The following FKTN variants were observed in gnomAD, a reference collection of about 807,000 sequenced individuals.
The protein encoded by FKTN is ribitol-5-phosphate transferase FKTN.
Under a neutral mutation model 58.6 loss-of-function variants are expected in FKTN, and 47 were observed. The observed-to-expected ratio is 0.80, with a 90% CI of 0.63 to 1.02. The LOEUF is 1.02. Ranked by LOEUF, FKTN falls within the 50% of genes least tolerant of loss-of-function variation. The pLI is 0.00. For synonymous variants in FKTN, 178 were observed against 191.9 expected, an observed-to-expected ratio of 0.93 and a Z score of 0.60; for missense variants, 516 against 537.3, an observed-to-expected ratio of 0.96 and a Z score of 0.39.
chr9:105,619,058 T>TAAAA (rs80255150), intron 9 of FKTN, among the ~76,000 whole-genome samples: 2 of 136,680 alleles, frequency 1.5e-5, no homozygotes, highest in Non-Finnish European at 3.2e-5. Context: ...GACTCCGTCT[T>TAAAA]AAAAAAAAAA....
chr9:105,638,945 C>G lies in FKTN; in HGVS notation c.*3681C>G. ...TATACATTGGGTACCAGAGCTAAAT[C>G]TGGAAAACACATTTGGAATGAGCTT... On this transcript the variant is annotated 3_prime_UTR_variant, in exon 11 of 11. Coordinates refer to ENST00000357998, the MANE Select transcript of FKTN (RefSeq NM_001079802.2). The G allele has an allele frequency of 1.0e-6, 1 of 985,252 alleles. No individual in the cohort carries two copies. Among genetic ancestry groups the G allele is most frequent in the Non-Finnish European group, 1.2e-6 (1 of 829,846 alleles). The allele number at this position is 985,252 out of a possible 1,614,324, so 61.0% of individuals were successfully genotyped here.
At position 105,596,745 on chromosome 9, in the gene FKTN, T is replaced by C. The variant is rs1826878251; in HGVS notation, c.165+88T>C. 13 of 984,836 alleles carry C rather than the reference T, an allele frequency of 1.3e-5. No individual in the cohort carries two copies. The East Asian group carries it at 3.1e-4, about 24-fold the overall frequency. The allele number at this position is 984,836 out of a possible 1,614,324, so 61.0% of individuals were successfully genotyped here. A position where few individuals can be genotyped will look rare whatever the true frequency, so the allele number is the denominator to read the frequency against. ...GTAAGTATTTGTTGAATGATGGCAA[T>C]AATAATAGCTACCTTGTGTGGTGGG... On this transcript the variant is annotated intron_variant, in intron 4 of 10. Coordinates refer to ENST00000357998, the MANE Select transcript of FKTN (RefSeq NM_001079802.2).
intron 10 of FKTN, among the ~76,000 whole-genome samples, chr9:105,633,650 C>T (rs914124392): frequency 1.3e-5 from 2 of 152,152 alleles, no homozygotes; most frequent in African/African-American, 4.8e-5. Context: ...TTTCCGTGGC[C>T]ACCTTTTCAC....
chr9:105,594,177 A>T (rs1036451629), intron 3 of FKTN, among the ~76,000 whole-genome samples: 1 of 152,178 alleles, frequency 6.6e-6, no homozygotes, highest in Non-Finnish European at 1.5e-5. Flanking sequence ...CTTAGATAGG[A>T]ACATAGACAA....
chr9:105,578,304 GT>G (rs1842151943), intron 3 of FKTN, among the ~76,000 whole-genome samples: 1 of 148,226 alleles, frequency 6.7e-6, no homozygotes, highest in Non-Finnish European at 1.5e-5. Flanking sequence ...TTGGCTGTGG[GT>G]TTGTCATAGA....
chr9:105,578,137 T>A (rs1401161638), intron 3 of FKTN, among the ~76,000 whole-genome samples: 1 of 151,190 alleles, frequency 6.6e-6, no homozygotes, highest in East Asian at 1.9e-4. Flanking sequence ...TGACTTCCTC[T>A]TTTCCTAATT....
chr9:105,628,230 G>A lies in FKTN; in HGVS notation c.1173-6821G>A, dbSNP rs186721840. ...CATTGACTTTTCTATGAATGATCTC[G>A]TATTTTCTGCTCTGTTTATGCGTTT... On this transcript the variant is annotated intron_variant, in intron 10 of 10. Transcript: ENST00000357998. 5.3e-5 allele frequency among the ~76,000 whole-genome samples: 8 copies of A among 152,066 alleles called. No individual in the cohort carries two copies. The East Asian group carries it at 1.2e-3, about 22-fold the overall frequency.
chr9:105,561,541 T>C (rs938851500), intron 1 of FKTN, among the ~76,000 whole-genome samples: 1 of 152,208 alleles, frequency 6.6e-6, no homozygotes, highest in African/African-American at 2.4e-5. Context: ...ACCTGTCTTA[T>C]CTATATCTTT....
At chr9:105,559,944 G>A (rs1186896919) in intron 1 of FKTN, among the ~76,000 whole-genome samples, 1 of 152,076 alleles carries the variant, frequency 6.6e-6, no homozygotes, top group Non-Finnish European at 1.5e-5. Flanking sequence ...GAGCAAGGAA[G>A]GAGTTCTTTT....
At chr9:105,587,246 G>A (rs1844078510) in intron 3 of FKTN, among the ~76,000 whole-genome samples, 1 of 152,108 alleles carries the variant, frequency 6.6e-6, no homozygotes, top group Non-Finnish European at 1.5e-5. Flanking sequence ...ATAGAATTGG[G>A]TGCTGAGATA....
At chr9:105,582,384 C>T (rs561576387) in intron 3 of FKTN, among the ~76,000 whole-genome samples, 60 of 152,236 alleles carry the variant, frequency 3.9e-4, no homozygotes, top group Middle Eastern at 3.4e-3. Flanking sequence ...TTTGTAGAGA[C>T]GGGGTCTCGC....
chr9:105,600,764 A>G (rs1315383921), intron 4 of FKTN, among the ~76,000 whole-genome samples: 1 of 152,178 alleles, frequency 6.6e-6, no homozygotes, highest in African/African-American at 2.4e-5. Context: ...GCTTGAAAAG[A>G]TTTAGCTAAT....
intron 1 of FKTN, among the ~76,000 whole-genome samples, chr9:105,563,603 G>A (rs999551055): frequency 8.5e-5 from 13 of 152,110 alleles, no homozygotes; most frequent in South Asian, 2.1e-4. Flanking sequence ...GAGGCTGGGG[G>A]GGGGGGCACC....
intron 3 of FKTN, among the ~76,000 whole-genome samples, chr9:105,584,151 A>G (rs903248856): frequency 6.6e-5 from 10 of 152,222 alleles, no homozygotes; most frequent in African/African-American, 2.4e-4. Flanking sequence ...AGGCAATAAC[A>G]GTACCACCTC....
At chr9:105,629,751 T>C in intron 10 of FKTN, among the ~76,000 whole-genome samples, 1 of 152,234 alleles carries the variant, frequency 6.6e-6, no homozygotes, top group East Asian at 1.9e-4. Flanking sequence ...CACATATGTT[T>C]ATTGTGGCAC....
intron 3 of FKTN, among the ~76,000 whole-genome samples, chr9:105,583,412 A>G (rs1050330902): frequency 6.6e-6 from 1 of 152,184 alleles, no homozygotes; most frequent in African/African-American, 2.4e-5. Context: ...TAGTGTTCGT[A>G]ATATTCAGAA....
chr9:105,625,690 T>A (rs1832660303), intron 10 of FKTN, among the ~76,000 whole-genome samples: 1 of 152,164 alleles, frequency 6.6e-6, no homozygotes, highest in Non-Finnish European at 1.5e-5. Flanking sequence ...ACATATAAGT[T>A]TATAATCTTA....
rs1288920101 is a variant in FKTN, at chr9:105,571,195, A to G, written c.-180-2460A>G. 6.6e-5 allele frequency among the ~76,000 whole-genome samples: 10 copies of G among 152,172 alleles called. No homozygotes were observed. In the South Asian group the frequency reaches 8.3e-4, roughly 13 times the overall value. On this transcript the variant is annotated intron_variant, in intron 1 of 10. Transcript: ENST00000357998. The stretch of plus-strand genomic sequence containing the variant: ...GAAAGTGGAGACAGGGACATCAGTT[A>G]AAATTAGGACATTAGGTACAATTAG...
chr9:105,618,585 T>G (rs1238363880), intron 9 of FKTN, among the ~76,000 whole-genome samples: 1 of 152,148 alleles, frequency 6.6e-6, no homozygotes, highest in Non-Finnish European at 1.5e-5. Context: ...TACTTCAATT[T>G]CTTGTTTATC....
Sources: allele counts gnomAD v4.1 joint callset (sites outside exome capture counted in the v4.1 genomes callset), GRCh38; gene constraint gnomAD v4.1.1; transcripts MANE v1.5; gene names NCBI Gene and HGNC (gene_info 2026-07-23, HGNC 2026-07-21).